LRP12: variants seen among roughly 807,000 people sequenced by gnomAD.
LRP12 encodes the protein low-density lipoprotein receptor-related protein 12.
LRP12 carries 14 observed loss-of-function variants against 66.0 expected under a neutral mutation model. The observed-to-expected ratio is 0.21, with a 90% CI of 0.14 to 0.33. The LOEUF is 0.33. Ranked by LOEUF, LRP12 falls within the 10% of genes least tolerant of loss-of-function variation. The pLI, the probability that LRP12 is intolerant of heterozygous loss-of-function variation, is 1.00. For synonymous variants in LRP12, 357 were observed against 359.1 expected, an observed-to-expected ratio of 0.99 and a Z score of 0.07; for missense variants, 889 against 1,053.4, an observed-to-expected ratio of 0.84 and a Z score of 2.16.
chr8:104,490,494 A>C lies in LRP12; in HGVS notation c.*179T>G. The C allele has an allele frequency of 1.6e-6, 1 of 610,644 alleles. No homozygotes were observed. Among genetic ancestry groups the C allele is most frequent in the Non-Finnish European group, 2.7e-6 (1 of 364,118 alleles). 37.8% of individuals were successfully genotyped at this position (610,644 alleles called of 1,614,324 possible). On this transcript the variant is annotated 3_prime_UTR_variant, in exon 7 of 7. Coordinates refer to ENST00000276654, the MANE Select transcript of LRP12 (RefSeq NM_013437.5). ...ATGCATTTTTAGCTGCTAAAATAGT[A>C]AACTCTAAGTTCATAGAGTTACAAG...
At position 104,531,876 on chromosome 8, in the gene LRP12, T is replaced by A. The variant is rs756832774; in HGVS notation, c.136+31A>T. The A allele has an allele frequency of 6.2e-6, 9 of 1,462,704 alleles. No homozygotes were observed. The Admixed American group carries it at 1.4e-4, about 22-fold the overall frequency. The allele number at this position is 1,462,704 out of a possible 1,614,324, so 90.6% of individuals were successfully genotyped here. A position where few individuals can be genotyped will look rare whatever the true frequency, so the allele number is the denominator to read the frequency against. Reference sequence around the variant, plus strand: ...CAATATTTACCATATAAGTCATGCATGAAATTTAAACATTACAAAAAATGA... The same window carrying A: ...CAATATTTACCATATAAGTCATGCAAGAAATTTAAACATTACAAAAAATGA... On this transcript the variant is annotated intron_variant, in intron 2 of 6. Transcript: ENST00000276654.
intron 1 of LRP12, among the ~76,000 whole-genome samples, chr8:104,556,196 T>A (rs775166088): frequency 1.3e-5 from 2 of 151,874 alleles, no homozygotes; most frequent in African/African-American, 4.8e-5. Context: ...ACTGCCTACA[T>A]CAAAAAGTCT....
chr8:104,492,947 T>A (rs1383679885), intron 6 of LRP12, among the ~76,000 whole-genome samples: 3 of 152,248 alleles, frequency 2.0e-5, no homozygotes, highest in Non-Finnish European at 4.4e-5. Flanking sequence ...AGGCTTCATG[T>A]TGAGCACTAT....
chr8:104,548,287 T>TATTATATAAATATATAA (rs1811648220), intron 1 of LRP12, among the ~76,000 whole-genome samples: 1 of 77,912 alleles, frequency 1.3e-5, no homozygotes, highest in Non-Finnish European at 2.0e-5. Context: ...TATTAATATA[T>TATTATATAAATATATAA]CATATATTTA....
chr8:104,499,449 T>G lies in LRP12; in HGVS notation c.343A>C (p.Asn115His), dbSNP rs1268093654. 6.2e-7 allele frequency: 1 copy of G among 1,613,784 alleles called. No individual in the cohort carries two copies. Among genetic ancestry groups the G allele is most frequent in the African/African-American group, 1.3e-5 (1 of 75,040 alleles). Reference protein sequence around the residue: ...LDWLTIETYKNIESYRACGST... With the variant: ...LDWLTIETYKHIESYRACGST... ...CCACAAGCTCTGTAACTTTCAATAT[T>G]CTTGTATGTTTCTATTGTCAACCAG... Residue 115 changes from asparagine to histidine, a missense_variant, in exon 4 of 7, where the codon AAT (asparagine) becomes CAT (histidine). Transcript: ENST00000276654.
Position 104,490,957 on chromosome 8 carries a change from C to T in LRP12, c.2296G>A (p.Gly766Arg). The T allele has an allele frequency of 6.2e-7, 1 of 1,613,910 alleles. No homozygotes were observed. The highest frequency in any genetic ancestry group is 8.5e-7 in the Non-Finnish European group (1 of 1,180,016). ...PLRQLDNGVS[G>R]REDDDDVEML... ...TCAACATCATCATCATCTTCTCTTC[C>T]ACTTACCCCATTATCAAGTTGTCTC... Residue 766 changes from glycine (G) to arginine (R), a missense_variant, in exon 7 of 7, where the codon GGA (glycine) becomes AGA (arginine). Gly to Arg is a moderately radical substitution (Grantham distance 125). Around this residue, in one of 3 missense-constraint regions of LRP12, gnomAD observed 800 missense variants for 964.5 expected, o/e 0.83. Transcript: ENST00000276654.
At chr8:104,493,822 C>T (rs1416976363) in intron 6 of LRP12, among the ~76,000 whole-genome samples, 1 of 152,230 alleles carries the variant, frequency 6.6e-6, no homozygotes, top group African/African-American at 2.4e-5. Context: ...TAATGCCCTC[C>T]TGCCTCTATG....
chr8:104,552,136 A>G (rs576744231), intron 1 of LRP12, among the ~76,000 whole-genome samples: 8 of 152,362 alleles, frequency 5.3e-5, no homozygotes, highest in Admixed American at 3.9e-4. Flanking sequence ...GAAATTTATT[A>G]TCACTGTCTT....
At chr8:104,573,748 CA>C (rs978444203) in intron 1 of LRP12, among the ~76,000 whole-genome samples, 3 of 148,622 alleles carry the variant, frequency 2.0e-5, no homozygotes, top group South Asian at 2.1e-4. Flanking sequence ...CTGAACTCAA[CA>C]AAAAAAAGAT....
At chr8:104,575,892 A>T (rs775752543) in intron 1 of LRP12, among the ~76,000 whole-genome samples, 1 of 152,152 alleles carries the variant, frequency 6.6e-6, no homozygotes, top group Non-Finnish European at 1.5e-5. Context: ...CAACGCTGGA[A>T]CTGACAGACA....
chr8:104,534,127 C>T (rs1326168676), intron 1 of LRP12, among the ~76,000 whole-genome samples: 1 of 150,038 alleles, frequency 6.7e-6, no homozygotes, highest in Non-Finnish European at 1.5e-5. Context: ...ACTGATACAG[C>T]CTTATAATAA....
intron 1 of LRP12, among the ~76,000 whole-genome samples, chr8:104,572,794 C>G (rs1435729698): frequency 1.3e-5 from 2 of 152,008 alleles, no homozygotes; most frequent in Non-Finnish European, 1.5e-5. Flanking sequence ...GTTATTTCCC[C>G]AAAGGCATCA....
intron 3 of LRP12, among the ~76,000 whole-genome samples, chr8:104,499,915 A>G (rs1422649049): frequency 6.6e-6 from 1 of 152,200 alleles, no homozygotes; most frequent in Admixed American, 6.5e-5. Context: ...ACACAGAGAA[A>G]CTCAGCCTTC....
At chr8:104,496,810 T>C (rs765957071) in intron 5 of LRP12, among the ~76,000 whole-genome samples, 162 bp downstream of exon 5, 2 of 152,214 alleles carry the variant, frequency 1.3e-5, no homozygotes, top group Non-Finnish European at 2.9e-5. Flanking sequence ...TCTGGCCTTC[T>C]GAGTCTCGGG....
intron 1 of LRP12, among the ~76,000 whole-genome samples, chr8:104,533,588 C>T (rs1811357257): frequency 6.6e-6 from 1 of 152,106 alleles, no homozygotes; most frequent in African/African-American, 2.4e-5. Context: ...CTATATTATA[C>T]ATTGCTACAA....
chr8:104,563,287 TTTAC>T (rs1257279893), intron 1 of LRP12, among the ~76,000 whole-genome samples: 1 of 152,184 alleles, frequency 6.6e-6, no homozygotes, highest in Non-Finnish European at 1.5e-5. Flanking sequence ...CAAATTTTAA[TTTAC>T]TTAGTTATTA....
At chr8:104,533,831 C>T (rs1263302930) in intron 1 of LRP12, among the ~76,000 whole-genome samples, 1 of 151,910 alleles carries the variant, frequency 6.6e-6, no homozygotes, top group Non-Finnish European at 1.5e-5. Flanking sequence ...ATATTTTAAA[C>T]ATGAAATCTT....
chr8:104,565,834 C>G (rs910237380), intron 1 of LRP12, among the ~76,000 whole-genome samples: 13 of 148,542 alleles, frequency 8.8e-5, no homozygotes, highest in African/African-American at 3.0e-4. Flanking sequence ...GCACTCCAGC[C>G]TCAGCGACAG....
intron 1 of LRP12, among the ~76,000 whole-genome samples, chr8:104,551,337 A>C (rs572887226): frequency 6.6e-6 from 1 of 152,168 alleles, no homozygotes; most frequent in Non-Finnish European, 1.5e-5. Flanking sequence ...TACTACCACA[A>C]TCCTCATCAT....
Sources: gnomAD v4.1 joint callset for allele counts (sites outside exome capture counted in the v4.1 genomes callset) on GRCh38, gnomAD v4.1.1 for gene constraint, gnomAD v4.1.1 regional missense constraint, MANE v1.5 for transcripts, NCBI Gene and HGNC (gene_info 2026-07-23, HGNC 2026-07-21) for gene names.